TTC7B: variants seen among roughly 807,000 people sequenced by gnomAD.
TTC7B encodes the protein tetratricopeptide repeat protein 7B.
TTC7B carries 28 observed loss-of-function variants against 106.8 expected under a neutral mutation model. That is an observed-to-expected ratio of 0.26 (90% CI 0.19 to 0.36). The LOEUF (loss-of-function observed/expected upper bound fraction) is 0.36. Ranked by LOEUF, TTC7B falls within the 10% of genes least tolerant of loss-of-function variation. The pLI is 1.00. For missense variants in TTC7B, 862 were observed against 1,076.4 expected, an observed-to-expected ratio of 0.80 and a Z score of 2.79; for synonymous variants, 405 against 430.6, an observed-to-expected ratio of 0.94 and a Z score of 0.74.
At position 90,529,647 on chromosome 14, in the gene TTC7B, C is replaced by T. The variant is rs1465306739; in HGVS notation, c.*11721G>A. 1 of 152,200 alleles carries T rather than the reference C, an allele frequency of 6.6e-6. No individual in the cohort carries two copies. Among genetic ancestry groups the T allele is most frequent in the African/African-American group, 2.4e-5 (1 of 41,446 alleles). The allele number at this position is 152,200 out of a possible 1,614,324, so 9.4% of individuals were successfully genotyped here. A position where few individuals can be genotyped will look rare whatever the true frequency, so the allele number is the denominator to read the frequency against. ...ATCTTCTGAAGAGAGCTTCATTTCTCACCTGGACCTGTATCCGTAATAACT... is the reference window on the plus strand; with the variant it reads ...ATCTTCTGAAGAGAGCTTCATTTCTTACCTGGACCTGTATCCGTAATAACT... On this transcript the variant is annotated 3_prime_UTR_variant, in exon 20 of 20. Coordinates refer to ENST00000328459, the MANE Select transcript of TTC7B (RefSeq NM_001010854.2).
At chr14:90,665,437 G>C (rs1176970944) in intron 9 of TTC7B, among the ~76,000 whole-genome samples, 1 of 152,212 alleles carries the variant, frequency 6.6e-6, no homozygotes, top group Admixed American at 6.5e-5. Context: ...CCATCTCTGA[G>C]GGGGCTCCAG....
intron 1 of TTC7B, among the ~76,000 whole-genome samples, chr14:90,800,111 C>A (rs751987979): frequency 1.4e-4 from 22 of 152,078 alleles, no homozygotes; most frequent in Non-Finnish European, 2.8e-4. Context: ...GGATTACAGG[C>A]GTGAGCCACC....
At position 90,798,748 on chromosome 14, in the gene TTC7B, T is replaced by C. The variant is rs572430976; in HGVS notation, c.122-12420A>G. Among the ~76,000 whole-genome samples the C allele has an allele frequency of 7.5e-4, 110 of 146,066 alleles. 3 individuals carry two copies. In the South Asian group the frequency reaches 0.024, roughly 31 times the overall value. ...AAAAAAAAAACACGCAATAACATGT[T>C]TTCTTATAAATGTGCAGATATTCAG... is the stretch of plus-strand genomic sequence containing the variant. On this transcript the variant is annotated intron_variant, in intron 1 of 19. Coordinates refer to ENST00000328459, the MANE Select transcript of TTC7B (RefSeq NM_001010854.2).
At chr14:90,546,945 C>G (rs1353851278) in intron 19 of TTC7B, among the ~76,000 whole-genome samples, 1 of 152,256 alleles carries the variant, frequency 6.6e-6, no homozygotes, top group African/African-American at 2.4e-5. Context: ...CTACAGGTAG[C>G]TAGCGGCAGA....
At chr14:90,697,419 C>T (rs796894943) in intron 5 of TTC7B, 48 of 150,026 alleles carry the variant, frequency 3.2e-4, no homozygotes, top group African/African-American at 1.2e-3. Flanking sequence ...GAGCTTTCTA[C>T]CGTACTCTGT....
At chr14:90,672,678 G>C (rs1193892903) in intron 9 of TTC7B, among the ~76,000 whole-genome samples, 3 of 152,150 alleles carry the variant, frequency 2.0e-5, no homozygotes, top group Non-Finnish European at 4.4e-5. Context: ...AACATGCTTT[G>C]CACTATTATG....
intron 17 of TTC7B, chr14:90,605,650 G>T: frequency 7.8e-7 from 1 of 1,289,206 alleles, no homozygotes; most frequent in Non-Finnish European, 1.0e-6. Flanking sequence ...AGCTGCAGGG[G>T]GCCACACAAA....
At chr14:90,658,080 T>C in intron 10 of TTC7B, 1 of 551,808 alleles carries the variant, frequency 1.8e-6, no homozygotes, top group South Asian at 2.1e-5. Context: ...TCACAATGAC[T>C]GGAAAAAGAC....
rs1371903119 is a variant in TTC7B, at chr14:90,742,581, G to A, written c.576+2211C>T. The stretch of plus-strand genomic sequence containing the variant: ...AATAAAGTGAGCCAGCACTAAGCTA[G>A]GTGTCGTGTGAGTGGAGTTCTAAAA... On this transcript the variant is annotated intron_variant, in intron 4 of 19. Transcript: ENST00000328459. This position sits in a 1 kb window ranked among gnomAD's most constrained non-coding sequence, Gnocchi z 4.1. Among the ~76,000 whole-genome samples, 1 of 152,178 alleles carries A rather than the reference G, an allele frequency of 6.6e-6. No individual in the cohort carries two copies. The highest frequency in any genetic ancestry group is 1.5e-5 in the Non-Finnish European group (1 of 68,026).
intron 19 of TTC7B, among the ~76,000 whole-genome samples, chr14:90,556,250 C>A (rs973172299): frequency 1.3e-5 from 2 of 152,120 alleles, no homozygotes; most frequent in African/African-American, 4.8e-5. Flanking sequence ...TGCCAGGCAT[C>A]CCCCCTACCC....
chr14:90,718,595 G>GT (rs1253837135), intron 5 of TTC7B, among the ~76,000 whole-genome samples: 1 of 152,094 alleles, frequency 6.6e-6, no homozygotes, highest in Non-Finnish European at 1.5e-5. Context: ...AATAGGAGCC[G>GT]TAAGTTCCAT....
At chr14:90,586,109 G>A (rs1374830830) in intron 18 of TTC7B, among the ~76,000 whole-genome samples, 1 of 152,190 alleles carries the variant, frequency 6.6e-6, no homozygotes, top group East Asian at 1.9e-4. Flanking sequence ...CTAGTGTGTG[G>A]CGGGGCCAGG....
At chr14:90,780,429 A>G (rs60836100) in intron 3 of TTC7B, among the ~76,000 whole-genome samples, 18 of 124,872 alleles carry the variant, frequency 1.4e-4, no homozygotes, top group South Asian at 2.4e-4. Flanking sequence ...GAAAGAAAGA[A>G]AGAGAGAGAG....
At position 90,785,111 on chromosome 14, in the gene TTC7B, C is replaced by T. The variant is rs190719426; in HGVS notation, c.276+1063G>A. Reference sequence around the variant, plus strand: ...AGCTCACCCCTTTAAGAGCCCACCCCATTCAAACCTAAAGAAACTGAGCTG... The same window carrying T: ...AGCTCACCCCTTTAAGAGCCCACCCTATTCAAACCTAAAGAAACTGAGCTG... On this transcript the variant is annotated intron_variant, in intron 2 of 19. Coordinates refer to ENST00000328459, the MANE Select transcript of TTC7B (RefSeq NM_001010854.2). Among the ~76,000 whole-genome samples the T allele has an allele frequency of 1.7e-3, 259 of 152,280 alleles. 3 individuals are homozygous for T. Among genetic ancestry groups the T allele is most frequent in the African/African-American group, 5.5e-3 (229 of 41,552 alleles).
chr14:90,614,802 A>G (rs556255808), intron 16 of TTC7B, among the ~76,000 whole-genome samples: 9 of 152,366 alleles, frequency 5.9e-5, no homozygotes, highest in African/African-American at 2.2e-4. Flanking sequence ...AGAAGTTTCA[A>G]TAAACGTGGT....
intron 4 of TTC7B, among the ~76,000 whole-genome samples, chr14:90,741,105 A>G (rs1889744616): frequency 6.6e-6 from 1 of 152,150 alleles, no homozygotes; most frequent in Non-Finnish European, 1.5e-5. Flanking sequence ...CAGGGTCCCA[A>G]CACTGGCAGT....
chr14:90,723,090 C>T (rs914018786), intron 5 of TTC7B, among the ~76,000 whole-genome samples: 8 of 152,208 alleles, frequency 5.3e-5, no homozygotes, highest in African/African-American at 1.9e-4. Context: ...GCATCTTAAA[C>T]CTAACATGCC....
intron 4 of TTC7B, among the ~76,000 whole-genome samples, chr14:90,737,707 C>T (rs1889597063): frequency 6.6e-6 from 1 of 152,154 alleles, no homozygotes; most frequent in South Asian, 2.1e-4. Flanking sequence ...TGCAGGTGCA[C>T]ACCACCACGC....
chr14:90,541,607 A>G lies in TTC7B; in HGVS notation c.2311-18T>C. The stretch of plus-strand genomic sequence containing the variant: ...ATCAGGGCCTGGAGAGGTCAGAGAG[A>G]GAGAGAGACAGTCAGCCATGGAGGC... On this transcript the variant is annotated intron_variant, in intron 19 of 19. Transcript: ENST00000328459. The G allele has an allele frequency of 6.5e-7, 1 of 1,536,056 alleles. No homozygotes were observed. The highest frequency in any genetic ancestry group is 8.8e-7 in the Non-Finnish European group (1 of 1,133,454).
Sources: allele counts gnomAD v4.1 joint callset (sites outside exome capture counted in the v4.1 genomes callset), GRCh38; gene constraint gnomAD v4.1.1; non-coding constraint Gnocchi (gnomAD v3.1); transcripts MANE v1.5; gene names NCBI Gene and HGNC (gene_info 2026-07-23, HGNC 2026-07-21).